CUL3: variants seen among roughly 807,000 people sequenced by gnomAD.
CUL3 encodes cullin 3.
A neutral mutation model predicts 89.1 loss-of-function variants in CUL3; 19 were observed. The ratio of observed to expected loss-of-function variants is 0.21; its 90% CI spans 0.15 to 0.31. The LOEUF is 0.31. CUL3 is among the 10% of genes least tolerant of loss of function. The pLI is 1.00. For synonymous variants in CUL3, 351 were observed against 308.4 expected, an observed-to-expected ratio of 1.14 and a Z score of -1.45; for missense variants, 469 against 942.3, an observed-to-expected ratio of 0.50 and a Z score of 6.58.
At chr2:224,564,814 T>C (rs7600608) in intron 1 of CUL3, among the ~76,000 whole-genome samples, 39,778 of 150,800 alleles carry the variant, frequency 0.26, 5,934 homozygotes, top group African/African-American at 0.41. Context: ...ATCAAACTTA[T>C]CATGTCAAAA....
chr2:224,513,153 A>C (rs1036291630), intron 5 of CUL3, among the ~76,000 whole-genome samples: 2 of 152,220 alleles, frequency 1.3e-5, no homozygotes, highest in Non-Finnish European at 2.9e-5. Context: ...TATGCTAATC[A>C]ACTGTTTATG....
intron 8 of CUL3, among the ~76,000 whole-genome samples, chr2:224,505,012 C>T (rs1463000006): frequency 1.3e-5 from 2 of 152,268 alleles, no homozygotes; most frequent in East Asian, 3.9e-4. Flanking sequence ...TGACATATAA[C>T]CTTCAGAACC....
At chr2:224,580,489 G>A in intron 1 of CUL3, among the ~76,000 whole-genome samples, 1 of 152,144 alleles carries the variant, frequency 6.6e-6, no homozygotes, top group Non-Finnish European at 1.5e-5. Flanking sequence ...TTCAAGACCA[G>A]CCTGGCCAAC....
chr2:224,557,904 A>AAC (rs1553535914), intron 1 of CUL3, 48 bp from the exon 2 acceptor site: 1 of 1,069,900 alleles, frequency 9.3e-7, no homozygotes, highest in Non-Finnish European at 1.3e-6. Context: ...AAAAAAAAAA[A>AAC]ACCAATGGTT....
At chr2:224,554,185 T>C (rs1694619319) in intron 2 of CUL3, among the ~76,000 whole-genome samples, 1 of 152,150 alleles carries the variant, frequency 6.6e-6, no homozygotes, top group Non-Finnish European at 1.5e-5. Context: ...ATAGCACACA[T>C]TCAGGCCAAC....
At position 224,525,186 on chromosome 2, in the gene CUL3, C is replaced by T. The variant is rs559271292; in HGVS notation, c.378+10342G>A. ...CTTAAAATTCTGGGTTTATCATAAA[C>T]TCTACTAAACAGTCAATTAATGTAA... On this transcript the variant is annotated intron_variant, in intron 3 of 15. Transcript: ENST00000264414. Among the ~76,000 whole-genome samples, 3 of 152,256 alleles carry T rather than the reference C, an allele frequency of 2.0e-5. 1 individual carries two copies. In the East Asian group the frequency reaches 5.8e-4, roughly 29 times the overall value.
intron 1 of CUL3, chr2:224,562,637 CAA>C (rs143703376): frequency 3.0e-4 from 26 of 87,118 alleles, no homozygotes; most frequent in Middle Eastern, 6.4e-3. Flanking sequence ...GACTTTGTCT[CAA>C]AAAAAAAAAA....
chr2:224,502,853 T>C, intron 10 of CUL3, 112 bp downstream of exon 10: 1 of 715,408 alleles, frequency 1.4e-6, no homozygotes, highest in Non-Finnish European at 2.4e-6. Flanking sequence ...AAACACATGT[T>C]GTCACTAATG....
intron 1 of CUL3, among the ~76,000 whole-genome samples, chr2:224,562,247 T>G (rs1477496020): frequency 6.6e-6 from 1 of 152,212 alleles, no homozygotes; most frequent in Admixed American, 6.5e-5. Context: ...CGTTTTTTTT[T>G]TCTTTTTAAA....
chr2:224,513,195 T>C (rs1008481752), intron 5 of CUL3, among the ~76,000 whole-genome samples: 2 of 152,212 alleles, frequency 1.3e-5, no homozygotes, highest in African/African-American at 4.8e-5. Flanking sequence ...AATAGCACAC[T>C]ATTAGTTAAG....
intron 1 of CUL3, 37 bp from the exon 2 acceptor site, chr2:224,557,893 A>T (rs1356593786): frequency 1.7e-6 from 2 of 1,148,706 alleles, no homozygotes; most frequent in African/African-American, 3.2e-5. Context: ...CAAAAAAAAA[A>T]AAAAAAAAAA....
chr2:224,536,214 A>G (rs1010697125), intron 2 of CUL3, among the ~76,000 whole-genome samples: 10 of 152,196 alleles, frequency 6.6e-5, no homozygotes, highest in Non-Finnish European at 1.5e-4. Flanking sequence ...AGTACTCCGT[A>G]AACACTCTAT....
chr2:224,576,445 C>T (rs764338836), intron 1 of CUL3, among the ~76,000 whole-genome samples: 9 of 152,160 alleles, frequency 5.9e-5, no homozygotes, highest in Non-Finnish European at 1.2e-4. Context: ...TCTTTAACGA[C>T]CCTCTACTAC....
intron 13 of CUL3, chr2:224,495,204 T>C (rs1230374940): frequency 1.3e-5 from 2 of 151,874 alleles, no homozygotes; most frequent in African/African-American, 4.8e-5. Context: ...ATCTAAAGAC[T>C]GCAGATGATG....
chr2:224,536,945 A>G (rs991045182), intron 2 of CUL3, among the ~76,000 whole-genome samples: 9 of 152,168 alleles, frequency 5.9e-5, no homozygotes, highest in African/African-American at 1.7e-4. Context: ...ATTCAAATCC[A>G]ACCAACCTTC....
At chr2:224,501,306 A>G (rs1405177289) in intron 10 of CUL3, among the ~76,000 whole-genome samples, 2 of 152,234 alleles carry the variant, frequency 1.3e-5, no homozygotes, top group Admixed American at 6.5e-5. Flanking sequence ...ATCCAGTGCT[A>G]TAACACTATA....
At chr2:224,507,032 CATTAAAG>C (rs747340629) in intron 6 of CUL3, 29 bp from the exon 7 acceptor site, 18 of 1,595,448 alleles carry the variant, frequency 1.1e-5, no homozygotes, top group Non-Finnish European at 1.4e-5. Context: ...AAATTGGCTA[CATTAAAG>C]ATTAAAGAAA....
intron 14 of CUL3, chr2:224,479,430 C>T (rs1041766219): frequency 7.3e-5 from 11 of 150,548 alleles, no homozygotes; most frequent in African/African-American, 2.7e-4. Context: ...AAGTTGATGT[C>T]ATGAAAAAAT....
intron 13 of CUL3, among the ~76,000 whole-genome samples, chr2:224,492,777 T>TC (rs1341767912): frequency 1.3e-5 from 2 of 152,170 alleles, no homozygotes; most frequent in African/African-American, 4.8e-5. Context: ...TCTTGTGTGG[T>TC]CCTCTCACTA....
Sources: gnomAD v4.1 joint callset for allele counts (sites outside exome capture counted in the v4.1 genomes callset) on GRCh38, gnomAD v4.1.1 for gene constraint, MANE v1.5 for transcripts, NCBI Gene and HGNC (gene_info 2026-07-23, HGNC 2026-07-21) for gene names.